The following KCNIP4 variants were observed in gnomAD, a reference collection of about 807,000 sequenced individuals.
KCNIP4 encodes the protein Kv channel-interacting protein 4.
Under a neutral mutation model 34.0 loss-of-function variants are expected in KCNIP4, and 12 were observed. The observed-to-expected ratio is 0.35, with a 90% CI of 0.23 to 0.57. The LOEUF (loss-of-function observed/expected upper bound fraction) is 0.57, where lower values mean the gene tolerates loss of function less well. KCNIP4 is among the 20% of genes least tolerant of loss of function. The probability of loss-of-function intolerance (pLI) is 0.83; values close to 1 mark genes in which losing one functional copy is unlikely to be tolerated. For missense variants in KCNIP4, 238 were observed against 311.7 expected (o/e 0.76, Z 1.78); for synonymous variants, 124 against 102.2 (o/e 1.21, Z -1.29).
At chr4:21,453,528 T>G (rs1224936302) in intron 1 of KCNIP4, among the ~76,000 whole-genome samples, 1 of 152,014 alleles carries the variant, frequency 6.6e-6, no homozygotes, top group African/African-American at 2.4e-5. Context: ...CTTTCCAGGA[T>G]GTGAAACTTC....
chr4:21,257,749 CAAA>C (rs34379604), intron 1 of KCNIP4, among the ~76,000 whole-genome samples: 2 of 103,538 alleles, frequency 1.9e-5, no homozygotes, highest in Admixed American at 9.7e-5. Flanking sequence ...GACTCAGTCT[CAAA>C]AAAAAAAAAA....
At chr4:21,644,372 G>T (rs2109242274) in intron 1 of KCNIP4, among the ~76,000 whole-genome samples, 1 of 152,278 alleles carries the variant, frequency 6.6e-6, no homozygotes, top group East Asian at 1.9e-4. Context: ...TAAACCGAAA[G>T]AACTAGATTG....
At chr4:21,223,701 CCTTT>C (rs1217772052) in intron 1 of KCNIP4, among the ~76,000 whole-genome samples, 1 of 152,126 alleles carries the variant, frequency 6.6e-6, no homozygotes, top group Non-Finnish European at 1.5e-5. Context: ...GTCAGTTACT[CCTTT>C]CTAATTCTTT....
chr4:21,212,141 T>C (rs183173776), intron 1 of KCNIP4, among the ~76,000 whole-genome samples: 5 of 152,242 alleles, frequency 3.3e-5, no homozygotes, highest in African/African-American at 9.6e-5. Flanking sequence ...TTCTTTCCAA[T>C]CTCTCAGATA....
At chr4:21,904,574 G>A in intron 1 of KCNIP4, among the ~76,000 whole-genome samples, 1 of 152,218 alleles carries the variant, frequency 6.6e-6, no homozygotes, top group South Asian at 2.1e-4. Flanking sequence ...AGAAGTTTAG[G>A]GTCAAAACAG....
At chr4:21,592,835 T>C (rs1271016399) in intron 1 of KCNIP4, among the ~76,000 whole-genome samples, 1 of 151,810 alleles carries the variant, frequency 6.6e-6, no homozygotes, top group Non-Finnish European at 1.5e-5. Context: ...CATAAAATAT[T>C]TTTTTTGGTG....
intron 5 of KCNIP4, among the ~76,000 whole-genome samples, chr4:20,735,990 A>G (rs1312029831): frequency 1.3e-5 from 2 of 152,150 alleles, no homozygotes; most frequent in African/African-American, 4.8e-5. Flanking sequence ...CCTTCCTTTT[A>G]TAGCTGTATT....
chr4:20,789,931 C>T (rs944983033), intron 3 of KCNIP4, among the ~76,000 whole-genome samples: 27 of 152,098 alleles, frequency 1.8e-4, no homozygotes, highest in African/African-American at 5.8e-4. Context: ...AAACGGGGTG[C>T]TATTATAACT....
intron 1 of KCNIP4, among the ~76,000 whole-genome samples, chr4:21,455,859 A>T (rs1728919773): frequency 1.7e-5 from 2 of 117,144 alleles, no homozygotes; most frequent in Admixed American, 8.9e-5. Flanking sequence ...ATATATATGG[A>T]CTTAGATACA....
At chr4:21,155,226 T>C (rs1753058742) in intron 1 of KCNIP4, among the ~76,000 whole-genome samples, 1 of 152,138 alleles carries the variant, frequency 6.6e-6, no homozygotes, top group Admixed American at 6.6e-5. Context: ...GAGAAATTAA[T>C]ATCCATCGGT....
At chr4:21,445,651 G>C (rs1727915294) in intron 1 of KCNIP4, among the ~76,000 whole-genome samples, 2 of 152,116 alleles carry the variant, frequency 1.3e-5, no homozygotes, top group African/African-American at 4.8e-5. Flanking sequence ...TTAAATGTTA[G>C]ACCTAAAACC....
chr4:21,393,186 T>C (rs1722702961), intron 1 of KCNIP4, among the ~76,000 whole-genome samples: 1 of 152,184 alleles, frequency 6.6e-6, no homozygotes, highest in African/African-American at 2.4e-5. Context: ...AAAACTCTCT[T>C]TCAAATGTCC....
At chr4:20,964,708 TAGCTG>T (rs1734178089) in intron 1 of KCNIP4, among the ~76,000 whole-genome samples, 8 of 152,194 alleles carry the variant, frequency 5.3e-5, no homozygotes, top group African/African-American at 1.9e-4. Flanking sequence ...TTAACATGCT[TAGCTG>T]TACCAGGGAA....
intron 3 of KCNIP4, among the ~76,000 whole-genome samples, chr4:20,762,190 A>G (rs1256988370): frequency 6.6e-6 from 1 of 152,176 alleles, no homozygotes; most frequent in Non-Finnish European, 1.5e-5. Flanking sequence ...GGCATCTTCT[A>G]GCTGTGTTCC....
At position 21,398,004 on chromosome 4, in the gene KCNIP4, C is replaced by A. The variant is rs1256237738; in HGVS notation, c.62-515295G>T. Among the ~76,000 whole-genome samples the A allele has an allele frequency of 2.0e-5, 3 of 152,300 alleles. 1 individual carries two copies. The highest frequency in any genetic ancestry group is 1.5e-5 in the Non-Finnish European group (1 of 68,026). ...ACACACACCGTGGGGTCACTTCCTG[C>A]AGAGATGACTTGGGGACATAGCTGA... On this transcript the variant is annotated intron_variant, in intron 1 of 8. Coordinates refer to ENST00000382152, the MANE Select transcript of KCNIP4 (RefSeq NM_025221.6).
intron 1 of KCNIP4, among the ~76,000 whole-genome samples, chr4:21,016,108 T>A (rs1482023994): frequency 2.7e-5 from 4 of 150,456 alleles, no homozygotes; most frequent in Non-Finnish European, 5.9e-5. Flanking sequence ...TATCGTCACC[T>A]ATGTAATCTT....
At chr4:21,334,214 C>T (rs187770150) in intron 1 of KCNIP4, among the ~76,000 whole-genome samples, 2 of 151,918 alleles carry the variant, frequency 1.3e-5, no homozygotes, top group South Asian at 2.1e-4. Context: ...ATAAATTATT[C>T]CTTTTTCTCA....
chr4:21,880,332 G>C (rs1035562203), intron 1 of KCNIP4, among the ~76,000 whole-genome samples: 2 of 152,132 alleles, frequency 1.3e-5, no homozygotes, highest in African/African-American at 4.8e-5. Context: ...GAATTATTGA[G>C]TTGAAAGGTA....
chr4:21,649,482 T>G (rs1465630375), intron 1 of KCNIP4, among the ~76,000 whole-genome samples: 1 of 152,106 alleles, frequency 6.6e-6, no homozygotes, highest in Non-Finnish European at 1.5e-5. Context: ...AATAAGTACC[T>G]CTCTTGGGTG....
Sources: allele counts gnomAD v4.1 joint callset (sites outside exome capture counted in the v4.1 genomes callset), GRCh38; gene constraint gnomAD v4.1.1; transcripts MANE v1.5; gene names NCBI Gene and HGNC (gene_info 2026-07-23, HGNC 2026-07-21).